The following ZAN variants were observed in gnomAD, a reference collection of about 807,000 sequenced individuals.
ZAN encodes the protein zonadhesin.
ZAN carries 260 observed loss-of-function variants against 286.2 expected under a neutral mutation model. The observed-to-expected ratio is 0.91, with a 90% CI of 0.82 to 1.01. ZAN has a LOEUF of 1.01. Ranked by LOEUF, ZAN falls within the 50% of genes least tolerant of loss-of-function variation. The pLI, the probability that ZAN is intolerant of heterozygous loss-of-function variation, is 0.00. For missense variants in ZAN, 3,410 were observed against 3,639.2 expected (o/e 0.94, Z 1.62); for synonymous variants, 1,368 against 1,417.5 (o/e 0.97, Z 0.79).
At chr7:100,777,853 A>G (rs1410156289) in intron 34 of ZAN, among the ~76,000 whole-genome samples, 1 of 150,940 alleles carries the variant, frequency 6.6e-6, no homozygotes, top group South Asian at 2.2e-4. Flanking sequence ...CGGCCCCCCA[A>G]AGTGCTGGGA....
intron 29 of ZAN, among the ~76,000 whole-genome samples, chr7:100,772,859 G>GTT (rs34950036): frequency 6.1e-5 from 8 of 130,538 alleles, no homozygotes; most frequent in African/African-American, 2.0e-4. Flanking sequence ...TTTTATGTCT[G>GTT]TTTTTTTTTT....
intron 23 of ZAN, among the ~76,000 whole-genome samples, chr7:100,766,288 C>T (rs375502325): frequency 6.6e-6 from 1 of 151,962 alleles, no homozygotes; most frequent in East Asian, 1.9e-4. Context: ...CACCTGGCCT[C>T]GGATAGATCA....
chr7:100,779,890 T>C (rs1330610353), intron 35 of ZAN, 140 bp downstream of exon 35: 6 of 1,006,442 alleles, frequency 6.0e-6, no homozygotes, highest in Non-Finnish European at 8.1e-6. Context: ...GACTATTTTT[T>C]AATTTTTATA....
chr7:100,765,251 GA>G, intron 22 of ZAN, 100 bp from the exon 23 acceptor site: 1 of 1,322,570 alleles, frequency 7.6e-7, no homozygotes, highest in South Asian at 1.4e-5. Context: ...AGATTGGCCA[GA>G]AGCCTGGAGC....
At position 100,737,349 on chromosome 7, in the gene ZAN, G is replaced by C; in HGVS notation, c.613G>C (p.Val205Leu). The C allele has an allele frequency of 6.9e-7, 1 of 1,456,978 alleles. No individual in the cohort carries two copies. The highest frequency in any genetic ancestry group is 9.3e-7 in the Non-Finnish European group (1 of 1,070,350). 90.3% of individuals were successfully genotyped at this position (1,456,978 alleles called of 1,614,324 possible). A position where few individuals can be genotyped will look rare whatever the true frequency, so the allele number is the denominator to read the frequency against. The change falls in exon 6 of 48, where the codon GTC (valine) becomes CTC (leucine). Residue 205 changes from valine (V) to leucine (L), a missense_variant and splice_region_variant. By Grantham distance (32) the Val-to-Leu change is conservative. Transcript: ENST00000613979. ...TATCCGCCGGGGCTCCTGTAATCGC[G>C]GTGAGTCCCTGTCCCTCCTCCCGCC... ...LSIRRGSCNR[V>L]CMMQTCSFDI...
At chr7:100,746,414 G>T (rs1808221543) in intron 7 of ZAN, 124 bp from the exon 8 acceptor site, 4 of 1,271,538 alleles carry the variant, frequency 3.1e-6, no homozygotes, top group Non-Finnish European at 2.1e-6. Context: ...CCTCAGTGCT[G>T]CCTGATTCTA....
At chr7:100,758,108 A>C (rs926735326) in intron 15 of ZAN, 94 bp from the exon 16 acceptor site, 1 of 982,504 alleles carries the variant, frequency 1.0e-6, no homozygotes, top group African/African-American at 1.8e-5. Flanking sequence ...AAATAAATAA[A>C]TAAATAAATA....
Position 100,791,006 on chromosome 7 carries a change from C to A in ZAN, c.7422C>A (p.Asn2474Lys), listed in dbSNP as rs77705466. Residue 2474 changes from asparagine to lysine, a missense_variant, in exon 40 of 48, where the codon AAC (asparagine) becomes AAA (lysine). Physicochemically the swap from Asn to Lys is moderately conservative, Grantham distance 94. This residue lies in a region of ZAN where 1,289 missense variants were observed against 1,314.3 expected (regional missense o/e 0.98). Coordinates refer to ENST00000613979, the MANE Select transcript of ZAN (RefSeq NM_003386.3). ...GCCTGTGCGGAAACTACGACAAGAACCGCAAGAATGACATGATGCTGCCCA... is the reference window on the plus strand; with the variant it reads ...GCCTGTGCGGAAACTACGACAAGAAACGCAAGAATGACATGATGCTGCCCA... The part of the protein sequence containing the change: ...VSGLCGNYDK[N>K]RKNDMMLPSG... 0.013 allele frequency: 20,444 copies of A among 1,612,334 alleles called. 167 individuals are homozygous for A. The highest frequency in any genetic ancestry group is 0.014 in the Non-Finnish European group (16,892 of 1,179,336).
In ZAN at chr7:100,797,601, AC is replaced by A. The variant is rs1562962914; in HGVS notation, c.8392del (p.Leu2798TrpfsTer30). ...GAGAGAAAACGCAGGAGGGAGACAG[AC>A]TGGCCAGGCTGGTGGACACAGGTGA... The part of the protein sequence containing the change: ...KREKTQEGDR[L>X]ARLVDTDTVL... On this transcript the variant is annotated frameshift_variant, in exon 47 of 48. Transcript: ENST00000613979. LOFTEE classifies it low-confidence loss of function (END_TRUNC). 1 of 1,613,906 alleles carries A rather than the reference AC, an allele frequency of 6.2e-7. No individual in the cohort carries two copies. Among genetic ancestry groups the A allele is most frequent in the Non-Finnish European group, 8.5e-7 (1 of 1,179,872 alleles).
intron 9 of ZAN, 106 bp from the exon 10 acceptor site, chr7:100,748,031 G>T: frequency 1.1e-6 from 1 of 893,588 alleles, no homozygotes. Flanking sequence ...GAGGGTCTGG[G>T]CACAGGGAGT....
chr7:100,797,764 A>G lies in ZAN; in HGVS notation c.*32A>G, dbSNP rs757759031. On this transcript the variant is annotated 3_prime_UTR_variant, in exon 48 of 48. Transcript: ENST00000613979. ...CAGTTTTGAGCTGTCTTCAGACAAGAAGATTAAATAAATTTATATATTTAT... is the reference window on the plus strand; with the variant it reads ...CAGTTTTGAGCTGTCTTCAGACAAGGAGATTAAATAAATTTATATATTTAT... 1 of 1,610,626 alleles carries G rather than the reference A, an allele frequency of 6.2e-7. No individual in the cohort carries two copies. The highest frequency in any genetic ancestry group is 2.2e-5 in the East Asian group (1 of 44,868).
intron 18 of ZAN, 32 bp downstream of exon 18, chr7:100,759,877 A>G: frequency 3.1e-6 from 5 of 1,603,986 alleles, no homozygotes; most frequent in Non-Finnish European, 4.3e-6. Context: ...CCATCCTTGC[A>G]GGGTCTGACT....
chr7:100,736,165 G>A (rs1414957885), intron 3 of ZAN, among the ~76,000 whole-genome samples: 1 of 141,864 alleles, frequency 7.0e-6, no homozygotes, highest in African/African-American at 2.6e-5. Flanking sequence ...AAAAACAGAC[G>A]AGCAATTTCT....
chr7:100,783,821 T>TATATAC (rs1811382443), intron 35 of ZAN, among the ~76,000 whole-genome samples: 4 of 116,370 alleles, frequency 3.4e-5, no homozygotes, highest in Non-Finnish European at 5.3e-5. Flanking sequence ...TATATACATA[T>TATATAC]ATATATATGT....
chr7:100,776,714 C>CTTTCTTT (rs1810831491), intron 34 of ZAN, 150 bp downstream of exon 34: 1 of 186,750 alleles, frequency 5.4e-6, no homozygotes, highest in East Asian at 1.9e-4. Flanking sequence ...TCTTCCTCTC[C>CTTTCTTT]TTTCTTTTTT....
At chr7:100,770,113 GCCAGCAGTCACCTT>G in intron 28 of ZAN, 139 bp downstream of exon 28, 1 of 734,970 alleles carries the variant, frequency 1.4e-6, no homozygotes, top group South Asian at 1.9e-5. Context: ...CACAGGGCCA[GCCAGCAGTCACCTT>G]CTTGGGACCT....
intron 35 of ZAN, among the ~76,000 whole-genome samples, chr7:100,780,294 A>G (rs1010313748): frequency 1.3e-5 from 2 of 152,284 alleles, no homozygotes; most frequent in African/African-American, 4.8e-5. Flanking sequence ...GGAATTCAAT[A>G]GAGTTTTTTT....
At chr7:100,779,228 G>T (rs546709586) in intron 34 of ZAN, among the ~76,000 whole-genome samples, 1 of 151,446 alleles carries the variant, frequency 6.6e-6, no homozygotes, top group Admixed American at 6.6e-5. Flanking sequence ...AATTGGTCGG[G>T]CGTGGTGGTG....
chr7:100,772,557 C>T (rs1455950602), intron 29 of ZAN, among the ~76,000 whole-genome samples: 1 of 152,060 alleles, frequency 6.6e-6, no homozygotes, highest in Non-Finnish European at 1.5e-5. Flanking sequence ...CGCGGTGGCT[C>T]ATGCCTGTAA....
Sources: gnomAD v4.1 joint callset for allele counts (sites outside exome capture counted in the v4.1 genomes callset) on GRCh38, gnomAD v4.1.1 for gene constraint, gnomAD v4.1.1 regional missense constraint, MANE v1.5 for transcripts, NCBI Gene and HGNC (gene_info 2026-07-23, HGNC 2026-07-21) for gene names.